SCAPER: variants seen among roughly 807,000 people sequenced by gnomAD.
The protein encoded by SCAPER is S-phase cyclin A associated protein in the ER.
A neutral mutation model predicts 182.2 loss-of-function variants in SCAPER; 98 were observed. That is an observed-to-expected ratio of 0.54 (90% CI 0.46 to 0.64). SCAPER has a LOEUF of 0.64. SCAPER is among the 30% of genes least tolerant of loss of function. The pLI is 0.00. For synonymous variants in SCAPER, 605 were observed against 564.6 expected (o/e 1.07, Z -1.01); for missense variants, 1,432 against 1,690.0 (o/e 0.85, Z 2.68).
At chr15:76,651,562 G>A (rs1458739306) in intron 21 of SCAPER, among the ~76,000 whole-genome samples, 1 of 144,412 alleles carries the variant, frequency 6.9e-6, no homozygotes, top group Non-Finnish European at 1.5e-5. Context: ...GAATTAGGAA[G>A]AGATTGAAAT....
chr15:76,444,252 A>G (rs2047833469), intron 25 of SCAPER, among the ~76,000 whole-genome samples: 2 of 152,042 alleles, frequency 1.3e-5, no homozygotes, highest in African/African-American at 4.8e-5. Context: ...AAAGGGCCCC[A>G]TTTTTCTTCA....
chr15:76,893,161 C>A lies in SCAPER; in HGVS notation c.-59-9285G>T, dbSNP rs184017047. ...TGGACACAGGGCAGGGAACATCACACACCGGAGCCTGTCACTGGGTGGGGG... is the reference window on the plus strand; with the variant it reads ...TGGACACAGGGCAGGGAACATCACAAACCGGAGCCTGTCACTGGGTGGGGG... On this transcript the variant is annotated intron_variant, in intron 1 of 31. Coordinates refer to ENST00000563290, the MANE Select transcript of SCAPER (RefSeq NM_020843.4). Among the ~76,000 whole-genome samples, 9 of 152,244 alleles carry A rather than the reference C, an allele frequency of 5.9e-5. No individual in the cohort carries two copies. The East Asian group carries it at 1.5e-3, about 26-fold the overall frequency.
At chr15:76,861,068 T>C (rs1255733644) in intron 3 of SCAPER, among the ~76,000 whole-genome samples, 1 of 152,022 alleles carries the variant, frequency 6.6e-6, no homozygotes, top group Non-Finnish European at 1.5e-5. Flanking sequence ...AAAGAGGAGA[T>C]GGTAAAGCTC....
intron 9 of SCAPER, among the ~76,000 whole-genome samples, chr15:76,772,549 G>A (rs1482749019): frequency 6.6e-6 from 1 of 151,932 alleles, no homozygotes; most frequent in Non-Finnish European, 1.5e-5. Flanking sequence ...AAAGAGAAAA[G>A]CATGACCTAA....
chr15:76,419,608 T>C (rs1596520490), intron 26 of SCAPER, among the ~76,000 whole-genome samples: 1 of 151,296 alleles, frequency 6.6e-6, no homozygotes, highest in East Asian at 2.0e-4. Context: ...TAATCCCGGC[T>C]ACTTGGGAGG....
At chr15:76,862,192 C>A (rs2071931942) in intron 3 of SCAPER, among the ~76,000 whole-genome samples, 1 of 152,070 alleles carries the variant, frequency 6.6e-6, no homozygotes, top group South Asian at 2.1e-4. Context: ...CATAATAACA[C>A]AATAAACCCA....
intron 25 of SCAPER, among the ~76,000 whole-genome samples, chr15:76,454,072 C>T (rs1447312913): frequency 1.3e-5 from 2 of 150,852 alleles, no homozygotes; most frequent in East Asian, 2.0e-4. Context: ...CCTTCACTAG[C>T]GGATCCCTAC....
At chr15:76,719,127 T>C (rs1483263135) in intron 17 of SCAPER, among the ~76,000 whole-genome samples, 1 of 152,154 alleles carries the variant, frequency 6.6e-6, no homozygotes, top group African/African-American at 2.4e-5. Context: ...TTATTCATAA[T>C]AGCCAAGATA....
At chr15:76,823,404 G>A (rs1000732363) in intron 5 of SCAPER, among the ~76,000 whole-genome samples, 3 of 151,920 alleles carry the variant, frequency 2.0e-5, no homozygotes, top group African/African-American at 7.3e-5. Context: ...AGGTTCCAGT[G>A]AGCCCAGATC....
At chr15:76,365,952 G>A (rs989830191) in intron 29 of SCAPER, among the ~76,000 whole-genome samples, 4 of 152,090 alleles carry the variant, frequency 2.6e-5, no homozygotes, top group South Asian at 2.1e-4. Flanking sequence ...AAGAGAAGGC[G>A]CTTATAATAT....
At chr15:76,568,382 GTC>G (rs1426733985) in intron 23 of SCAPER, among the ~76,000 whole-genome samples, 1 of 151,934 alleles carries the variant, frequency 6.6e-6, no homozygotes, top group East Asian at 1.9e-4. Context: ...TGCGCCACAA[GTC>G]TCTCTGTGTC....
At chr15:76,452,274 T>C (rs769016058) in intron 25 of SCAPER, among the ~76,000 whole-genome samples, 2 of 152,252 alleles carry the variant, frequency 1.3e-5, no homozygotes, top group Non-Finnish European at 2.9e-5. Context: ...TTGCTGATCC[T>C]GGCCTTTGTG....
chr15:76,407,975 T>TA (rs1005199393), intron 26 of SCAPER, among the ~76,000 whole-genome samples: 9 of 151,918 alleles, frequency 5.9e-5, no homozygotes, highest in South Asian at 2.1e-4. Flanking sequence ...AAAAATCACT[T>TA]AAAAAAAACA....
intron 20 of SCAPER, among the ~76,000 whole-genome samples, chr15:76,700,751 G>C (rs1261535642): frequency 2.6e-5 from 4 of 152,156 alleles, no homozygotes; most frequent in African/African-American, 9.7e-5. Context: ...CTACACAGGA[G>C]GGCACTGACA....
chr15:76,852,105 C>T (rs531557062), intron 4 of SCAPER, among the ~76,000 whole-genome samples: 2 of 152,234 alleles, frequency 1.3e-5, no homozygotes, highest in South Asian at 2.1e-4. Context: ...AAGGGCATTA[C>T]ATAATGATAA....
intron 2 of SCAPER, among the ~76,000 whole-genome samples, chr15:76,876,208 C>T (rs901615036): frequency 1.3e-5 from 2 of 151,942 alleles, no homozygotes; most frequent in African/African-American, 4.8e-5. Context: ...CCACACCTCC[C>T]GGCAAGCTGA....
intron 8 of SCAPER, among the ~76,000 whole-genome samples, chr15:76,787,935 T>C (rs1414080126): frequency 6.6e-6 from 1 of 152,060 alleles, no homozygotes; most frequent in Non-Finnish European, 1.5e-5. Flanking sequence ...GTAGAAAATA[T>C]CCAACACAAC....
chr15:76,689,077 T>G (rs2058202359), intron 20 of SCAPER, among the ~76,000 whole-genome samples: 1 of 151,940 alleles, frequency 6.6e-6, no homozygotes, highest in Non-Finnish European at 1.5e-5. Flanking sequence ...CTCGATCTCC[T>G]GACCTAGTGA....
At chr15:76,417,723 T>C (rs1262085323) in intron 26 of SCAPER, among the ~76,000 whole-genome samples, 3 of 152,124 alleles carry the variant, frequency 2.0e-5, no homozygotes, top group African/African-American at 7.2e-5. Flanking sequence ...ATAACTTAGA[T>C]TCTAAAAGGC....
Sources: allele counts gnomAD v4.1 joint callset (sites outside exome capture counted in the v4.1 genomes callset), GRCh38; gene constraint gnomAD v4.1.1; transcripts MANE v1.5; gene names NCBI Gene and HGNC (gene_info 2026-07-23, HGNC 2026-07-21).